HEPHL1: variants seen among roughly 807,000 people sequenced by gnomAD.
HEPHL1 encodes the protein ferroxidase HEPHL1.
A neutral mutation model predicts 122.0 loss-of-function variants in HEPHL1; 123 were observed. The observed-to-expected ratio is 1.01, with a 90% CI of 0.87 to 1.17. The LOEUF is 1.17. Among genes scored for constraint, HEPHL1 ranks in the 50% most tolerant of loss-of-function variants. The pLI is 0.00. For synonymous variants in HEPHL1, 527 were observed against 508.9 expected (o/e 1.04, Z -0.48); for missense variants, 1,452 against 1,430.5 (o/e 1.01, Z -0.24).
chr11:94,106,280 G>A (rs1946407818), intron 17 of HEPHL1, 150 bp downstream of exon 17: 1 of 525,638 alleles, frequency 1.9e-6, no homozygotes, highest in African/African-American at 2.0e-5. Flanking sequence ...TTTCCCTGGT[G>A]GATATTTCTT....
At chr11:94,086,319 T>G in intron 11 of HEPHL1, 130 bp downstream of exon 11, 1 of 685,030 alleles carries the variant, frequency 1.5e-6, no homozygotes, top group Admixed American at 2.6e-5. Context: ...ATAGTCTTGA[T>G]TAGAATCAGA....
At position 94,067,538 on chromosome 11, in the gene HEPHL1, T is replaced by C. The variant is rs959187642; in HGVS notation, c.851T>C (p.Met284Thr). The C allele has an allele frequency of 6.2e-6, 10 of 1,613,532 alleles. No individual in the cohort carries two copies. Among genetic ancestry groups the C allele is most frequent in the African/African-American group, 1.3e-5 (1 of 74,892 alleles). ...TTCGGAAACTTCCCGGAGCCTGATATGTGTGTTGGAGAATCTGTGTCCTGG... is the reference window on the plus strand; with the variant it reads ...TTCGGAAACTTCCCGGAGCCTGATACGTGTGTTGGAGAATCTGTGTCCTGG... ...YLFGNFPEPD[M>T]CVGESVSWHL... The change falls in exon 5 of 20, where the codon ATG (methionine) becomes ACG (threonine). Residue 284 changes from methionine to threonine, a missense_variant. Met to Thr is a moderately conservative substitution (Grantham distance 81, BLOSUM62 -1). Transcript: ENST00000315765.
chr11:94,069,366 C>T (rs960030697), intron 5 of HEPHL1, among the ~76,000 whole-genome samples: 4 of 152,102 alleles, frequency 2.6e-5, no homozygotes, highest in Admixed American at 2.6e-4. Flanking sequence ...AGCAATCCTC[C>T]CACCTTAGCC....
chr11:94,065,117 GC>G (rs369525491), intron 4 of HEPHL1, among the ~76,000 whole-genome samples: 137 of 152,294 alleles, frequency 9.0e-4, no homozygotes, highest in African/African-American at 3.1e-3. Context: ...ACTTACTCAT[GC>G]CTGTTTTGCA....
Position 94,102,919 on chromosome 11 carries a change from GT to G in HEPHL1, c.2582del (p.Val861GlufsTer30), listed in dbSNP as rs746132123. 3 of 1,549,744 alleles carry G rather than the reference GT, an allele frequency of 1.9e-6. No homozygotes were observed. In the East Asian group the frequency reaches 6.7e-5, roughly 35 times the overall value. On this transcript the variant is annotated frameshift_variant, in exon 15 of 20. Coordinates refer to ENST00000315765, the MANE Select transcript of HEPHL1 (RefSeq NM_001098672.2). LOFTEE classifies it high-confidence loss of function. ...TTCCATTTCATTTATTACAGGAGAA[GT>G]AAAAACTTATAGATGGAATATCCCT... ...FQVPMTKPGE[V>X]KTYRWNIPKR... is the part of the protein sequence containing the mutation.
At chr11:94,037,919 T>C (rs1945741194) in intron 1 of HEPHL1, among the ~76,000 whole-genome samples, 1 of 151,340 alleles carries the variant, frequency 6.6e-6, no homozygotes, top group African/African-American at 2.5e-5. Flanking sequence ...ATCAAATTAC[T>C]CTGAGCTACG....
At chr11:94,029,950 G>T (rs1263249879) in intron 1 of HEPHL1, among the ~76,000 whole-genome samples, 1 of 152,122 alleles carries the variant, frequency 6.6e-6, no homozygotes, top group Non-Finnish European at 1.5e-5. Flanking sequence ...GGACCTCTTA[G>T]CAGATTAAAA....
At chr11:94,031,195 A>T (rs2134404753) in intron 1 of HEPHL1, among the ~76,000 whole-genome samples, 1 of 152,260 alleles carries the variant, frequency 6.6e-6, no homozygotes, top group South Asian at 2.1e-4. Flanking sequence ...ACAGTATAAA[A>T]GAGGATGAGT....
At chr11:94,068,916 C>A (rs557251434) in intron 5 of HEPHL1, among the ~76,000 whole-genome samples, 1 of 152,306 alleles carries the variant, frequency 6.6e-6, no homozygotes, top group Non-Finnish European at 1.5e-5. Flanking sequence ...CTCAGGGCTG[C>A]TTTTGTAACA....
chr11:94,104,852 T>C, intron 16 of HEPHL1, 102 bp downstream of exon 16: 1 of 887,504 alleles, frequency 1.1e-6, no homozygotes, highest in Non-Finnish European at 1.8e-6. Flanking sequence ...CTTTCCTCCT[T>C]CCCAGGGGCA....
chr11:94,063,433 C>A, intron 2 of HEPHL1, 75 bp from the exon 3 acceptor site: 2 of 1,147,566 alleles, frequency 1.7e-6, no homozygotes, highest in Non-Finnish European at 2.5e-6. Flanking sequence ...AAAGCTCTGG[C>A]CCTCTCTACT....
intron 17 of HEPHL1, among the ~76,000 whole-genome samples, chr11:94,107,695 C>T (rs1946419579): frequency 6.6e-6 from 1 of 152,108 alleles, no homozygotes. Flanking sequence ...CAAATTGTAT[C>T]CATCTTGTTA....
At chr11:94,100,719 A>T (rs1946361162) in intron 13 of HEPHL1, among the ~76,000 whole-genome samples, 1 of 152,200 alleles carries the variant, frequency 6.6e-6, no homozygotes, top group South Asian at 2.1e-4. Context: ...GACTTATCAA[A>T]GGTTATACAC....
intron 1 of HEPHL1, among the ~76,000 whole-genome samples, chr11:94,042,883 A>AAAAAAAAAAAAAAAACAAAAAACAAAC (rs1555058775): frequency 7.6e-6 from 1 of 132,398 alleles, no homozygotes; most frequent in Non-Finnish European, 1.6e-5. Flanking sequence ...AATAAAAAAA[A>AAAAAAAAAAAAAAAACAAAAAACAAAC]AAAAAAAAAA....
At position 94,073,306 on chromosome 11, in the gene HEPHL1, A is replaced by G. The variant is rs377529278; in HGVS notation, c.1373-2A>G. ...TCTCTCTTCTTCTGGATATTTTTTCAGGCCCAGTCATCAAGGCAGAGGTGG... is the reference window on the plus strand; with the variant it reads ...TCTCTCTTCTTCTGGATATTTTTTCGGGCCCAGTCATCAAGGCAGAGGTGG... On this transcript the variant is annotated splice_acceptor_variant, in intron 7 of 19. Coordinates refer to ENST00000315765, the MANE Select transcript of HEPHL1 (RefSeq NM_001098672.2). LOFTEE classifies it high-confidence loss of function. 2.5e-6 allele frequency: 4 copies of G among 1,609,584 alleles called. No homozygotes were observed. In the South Asian group the frequency reaches 4.4e-5, roughly 18 times the overall value.
chr11:94,071,833 C>T (rs1219181834), intron 6 of HEPHL1, among the ~76,000 whole-genome samples: 1 of 151,930 alleles, frequency 6.6e-6, no homozygotes, highest in Non-Finnish European at 1.5e-5. Context: ...ATTTATTTAA[C>T]TGAATAGGGA....
At chr11:94,030,884 T>C (rs1293987635) in intron 1 of HEPHL1, among the ~76,000 whole-genome samples, 1 of 152,098 alleles carries the variant, frequency 6.6e-6, no homozygotes, top group Non-Finnish European at 1.5e-5. Flanking sequence ...AGAATGTTCA[T>C]ACACAGTCCC....
Position 94,086,156 on chromosome 11 carries a change from G to T in HEPHL1, c.2047G>T (p.Ala683Ser). 6.2e-7 allele frequency: 1 copy of T among 1,612,162 alleles called. No individual in the cohort carries two copies. The highest frequency in any genetic ancestry group is 8.5e-7 in the Non-Finnish European group (1 of 1,179,444). ...RDSLALFPHM[A>S]TTAFMQPDHA... ...CTCCCTGGCCCTGTTTCCCCACATG[G>T]CCACAACAGCATTCATGCAGCCAGA... The change falls in exon 11 of 20, where the codon GCC becomes TCC. Residue 683 changes from alanine to serine, a missense_variant. Coordinates refer to ENST00000315765, the MANE Select transcript of HEPHL1 (RefSeq NM_001098672.2).
At chr11:94,075,941 T>C (rs1023142593) in intron 9 of HEPHL1, among the ~76,000 whole-genome samples, 1 of 152,176 alleles carries the variant, frequency 6.6e-6, no homozygotes, top group African/African-American at 2.4e-5. Context: ...TTCAACTGAT[T>C]AGTGTAGCGA....
Sources: allele counts gnomAD v4.1 joint callset (sites outside exome capture counted in the v4.1 genomes callset), GRCh38; gene constraint gnomAD v4.1.1; transcripts MANE v1.5; gene names NCBI Gene and HGNC (gene_info 2026-07-23, HGNC 2026-07-21).